PCDH9: variants seen among roughly 807,000 people sequenced by gnomAD.
The protein encoded by PCDH9 is protocadherin-9.
A neutral mutation model predicts 70.6 loss-of-function variants in PCDH9; 24 were observed. The observed-to-expected ratio is 0.34, with a 90% confidence interval of 0.25 to 0.48. PCDH9 has a LOEUF of 0.48. Among genes scored for constraint, PCDH9 ranks in the 20% least tolerant of loss-of-function variants. The pLI is 0.99. For missense variants in PCDH9, 1,281 were observed against 1,503.6 expected (o/e 0.85, Z 2.45); for synonymous variants, 562 against 558.5 (o/e 1.01, Z -0.09).
intron 4 of PCDH9, among the ~76,000 whole-genome samples, chr13:66,453,191 G>T (rs1958248048): frequency 6.6e-6 from 1 of 152,112 alleles, no homozygotes; most frequent in Non-Finnish European, 1.5e-5. Flanking sequence ...AATTTGAAAG[G>T]GCTTTTAAGT....
At chr13:67,019,287 G>A (rs139368826) in intron 2 of PCDH9, among the ~76,000 whole-genome samples, 6,521 of 140,808 alleles carry the variant, frequency 0.046, 250 homozygotes, top group African/African-American at 0.11. Context: ...TCCGCCTCCC[G>A]GGTTCATGCC....
intron 2 of PCDH9, among the ~76,000 whole-genome samples, chr13:67,176,161 C>T (rs1297025533): frequency 1.3e-5 from 2 of 151,940 alleles, no homozygotes; most frequent in African/African-American, 2.4e-5. Flanking sequence ...TTTATAAGGC[C>T]TAAAATGTAA....
chr13:67,091,152 A>G lies in PCDH9; in HGVS notation c.3036+134253T>C, dbSNP rs1295531289. 3.3e-5 allele frequency among the ~76,000 whole-genome samples: 5 copies of G among 152,282 alleles called. No homozygotes were observed. In the East Asian group the frequency reaches 7.7e-4, roughly 24 times the overall value. On this transcript the variant is annotated intron_variant, in intron 2 of 4. Transcript: ENST00000377865. ...TCTCCTCCAATGACTTTGTAAATTT[A>G]TAACATGTTTGAACTCAAGTATTAA...
chr13:66,730,876 G>GTGTTTTTTTTTTTTTTTTTTTTTTTTTT lies in PCDH9; in HGVS notation c.3139-99466_3139-99465insAAAAAAAAAAAAAAAAAAAAAAAAAACA, dbSNP rs1555262846. 1.5e-4 allele frequency among the ~76,000 whole-genome samples: 7 copies of GTGTTTTTTTTTTTTTTTTTTTTTTTTTT among 46,358 alleles called. 1 individual carries two copies. Among genetic ancestry groups the GTGTTTTTTTTTTTTTTTTTTTTTTTTTT allele is most frequent in the African/African-American group, 4.5e-4 (6 of 13,278 alleles). 30.4% of individuals were successfully genotyped at this position (46,358 alleles called of 152,430 possible). A position where few individuals can be genotyped will look rare whatever the true frequency, so the allele number is the denominator to read the frequency against. On this transcript the variant is annotated intron_variant, in intron 3 of 4. Coordinates refer to ENST00000377865, the MANE Select transcript of PCDH9 (RefSeq NM_203487.3). Reference sequence around the variant, plus strand: ...TGTTTTTGTTTTTTTGTGTGTGTGTGTTTTTTTTTTGTTTGTTTCTTTTTT... The same window carrying GTGTTTTTTTTTTTTTTTTTTTTTTTTTT: ...TGTTTTTGTTTTTTTGTGTGTGTGTGTGTTTTTTTTTTTTTTTTTTTTTTTTTTTTTTTTTTTTGTTTGTTTCTTTTTT...
At chr13:66,542,990 T>A (rs1961030318) in intron 4 of PCDH9, among the ~76,000 whole-genome samples, 1 of 151,544 alleles carries the variant, frequency 6.6e-6, no homozygotes, top group South Asian at 2.1e-4. Context: ...AGTCATATGG[T>A]CATAAAATGC....
intron 4 of PCDH9, among the ~76,000 whole-genome samples, chr13:66,591,525 T>C (rs1425455976): frequency 6.7e-6 from 1 of 149,718 alleles, no homozygotes; most frequent in Non-Finnish European, 1.5e-5. Context: ...TATCAAGTAG[T>C]GTGATTTACT....
chr13:66,945,951 T>G (rs1379185502), intron 2 of PCDH9, among the ~76,000 whole-genome samples: 1 of 152,162 alleles, frequency 6.6e-6, no homozygotes, highest in East Asian at 1.9e-4. Flanking sequence ...CAATTTACAT[T>G]TCTACTGATA....
chr13:67,056,774 G>C (rs1447073105), intron 2 of PCDH9, among the ~76,000 whole-genome samples: 1 of 152,092 alleles, frequency 6.6e-6, no homozygotes, highest in Non-Finnish European at 1.5e-5. Context: ...CTGGTACTTA[G>C]TGAGTGTCAG....
rs183917461 is a variant in PCDH9, at chr13:66,403,332, A to C, written c.3341-98304T>G. ...TTTGTTTTTTGTATTTTTTTTGTAG[A>C]GATTGTGTTTCACCATGTTGCCCAG... On this transcript the variant is annotated intron_variant, in intron 4 of 4. Coordinates refer to ENST00000377865, the MANE Select transcript of PCDH9 (RefSeq NM_203487.3). Among the ~76,000 whole-genome samples, 4 of 151,694 alleles carry C rather than the reference A, an allele frequency of 2.6e-5. No homozygotes were observed. In the East Asian group the frequency reaches 5.8e-4, roughly 22 times the overall value.
chr13:66,742,662 C>A (rs2079285511), intron 3 of PCDH9, among the ~76,000 whole-genome samples: 1 of 121,056 alleles, frequency 8.3e-6, no homozygotes, highest in Admixed American at 8.9e-5. Flanking sequence ...AAACAAACAA[C>A]CCCATCAAAA....
intron 2 of PCDH9, among the ~76,000 whole-genome samples, chr13:67,033,250 G>GAGACTTTCTC (rs1209301359): frequency 1.3e-5 from 2 of 151,998 alleles, no homozygotes; most frequent in Non-Finnish European, 2.9e-5. Flanking sequence ...TTCATAATTA[G>GAGACTTTCTC]TGCTCTGGGT....
chr13:66,326,969 A>G (rs1270813458), intron 4 of PCDH9, among the ~76,000 whole-genome samples: 1 of 151,860 alleles, frequency 6.6e-6, no homozygotes, highest in African/African-American at 2.4e-5. Context: ...TCTTGCCTCC[A>G]AACGATGAGG....
intron 3 of PCDH9, among the ~76,000 whole-genome samples, chr13:66,655,713 G>A (rs2077919235): frequency 6.6e-6 from 1 of 152,098 alleles, no homozygotes; most frequent in African/African-American, 2.4e-5. Context: ...ATAATTTGTT[G>A]CTATGGTAAT....
intron 4 of PCDH9, among the ~76,000 whole-genome samples, chr13:66,555,134 A>T (rs927395565): frequency 2.0e-5 from 3 of 151,918 alleles, no homozygotes; most frequent in Non-Finnish European, 4.4e-5. Flanking sequence ...ACGCCATTGC[A>T]CTCCAGCCTG....
intron 4 of PCDH9, among the ~76,000 whole-genome samples, chr13:66,344,557 C>G (rs1364097298): frequency 1.3e-5 from 2 of 152,120 alleles, no homozygotes; most frequent in Non-Finnish European, 2.9e-5. Context: ...CTTACCATAA[C>G]AAAATAAATC....
intron 2 of PCDH9, among the ~76,000 whole-genome samples, chr13:67,064,050 CT>C (rs1468775841): frequency 6.6e-6 from 1 of 152,060 alleles, no homozygotes; most frequent in Middle Eastern, 3.2e-3. Flanking sequence ...TTCTCCTGGC[CT>C]CATTGTTAAC....
chr13:67,162,752 G>A (rs774365337), intron 2 of PCDH9, among the ~76,000 whole-genome samples: 9 of 151,646 alleles, frequency 5.9e-5, no homozygotes, highest in South Asian at 2.1e-4. Context: ...GTACCCCCTA[G>A]ACATTACTAT....
intron 2 of PCDH9, among the ~76,000 whole-genome samples, chr13:66,986,275 C>T (rs1156629246): frequency 6.8e-6 from 1 of 147,818 alleles, no homozygotes; most frequent in Non-Finnish European, 1.5e-5. Context: ...CAATTACCTC[C>T]CACCATGTCC....
chr13:66,794,872 T>G (rs1390045163), intron 3 of PCDH9, among the ~76,000 whole-genome samples: 1 of 151,994 alleles, frequency 6.6e-6, no homozygotes, highest in Non-Finnish European at 1.5e-5. Context: ...CTATAGTATC[T>G]TTAATAAATA....
Sources: gnomAD v4.1 joint callset for allele counts (sites outside exome capture counted in the v4.1 genomes callset) on GRCh38, gnomAD v4.1.1 for gene constraint, MANE v1.5 for transcripts, NCBI Gene and HGNC (gene_info 2026-07-23, HGNC 2026-07-21) for gene names.